The following FRMD3 variants were observed in gnomAD, a reference collection of about 807,000 sequenced individuals.
FRMD3 encodes the protein FERM domain containing 3, also known as FERM domain-containing protein 3.
Under a neutral mutation model 70.2 loss-of-function variants are expected in FRMD3, and 33 were observed. The ratio of observed to expected loss-of-function variants is 0.47; its 90% CI spans 0.36 to 0.63. FRMD3 has a LOEUF of 0.63. Ranked by LOEUF, FRMD3 falls within the 20% of genes least tolerant of loss-of-function variation. FRMD3 has a pLI of 0.00. For synonymous variants in FRMD3, 279 were observed against 255.9 expected (o/e 1.09, Z -0.86); for missense variants, 632 against 711.4 (o/e 0.89, Z 1.27).
chr9:83,310,560 A>C lies in FRMD3; in HGVS notation c.774-12T>G, dbSNP rs1489455592. The C allele has an allele frequency of 6.3e-7, 1 of 1,586,090 alleles. No homozygotes were observed. Among genetic ancestry groups the C allele is most frequent in the Non-Finnish European group, 8.5e-7 (1 of 1,172,366 alleles). On this transcript the variant is annotated splice_polypyrimidine_tract_variant and intron_variant, in intron 8 of 13. Transcript: ENST00000304195. ...TGCAGACATCTGGCCTAAGAAAAGA[A>C]AATCTCTGGGTAAGAAGAAAAAAAG...
intron 1 of FRMD3, among the ~76,000 whole-genome samples, chr9:83,396,464 C>A (rs1405283081): frequency 2.6e-5 from 4 of 152,194 alleles, no homozygotes; most frequent in Non-Finnish European, 5.9e-5. Flanking sequence ...ATGGTACAGG[C>A]ATAAGCCTCA....
At chr9:83,305,676 C>G (rs1370664027) in intron 10 of FRMD3, among the ~76,000 whole-genome samples, 2 of 152,206 alleles carry the variant, frequency 1.3e-5, no homozygotes, top group Non-Finnish European at 1.5e-5. Flanking sequence ...AGTGATACTT[C>G]CCCTCCTTCC....
chr9:83,296,463 G>C (rs1251585750), intron 12 of FRMD3, among the ~76,000 whole-genome samples: 3 of 152,198 alleles, frequency 2.0e-5, no homozygotes, highest in Admixed American at 6.5e-5. Flanking sequence ...GGGGGACATG[G>C]AGATGACCAA....
chr9:83,413,281 T>C (rs1396971053), intron 1 of FRMD3, among the ~76,000 whole-genome samples: 2 of 152,182 alleles, frequency 1.3e-5, no homozygotes, highest in African/African-American at 4.8e-5. Flanking sequence ...TCTCAAACTT[T>C]ATGGTGTAGA....
intron 1 of FRMD3, among the ~76,000 whole-genome samples, chr9:83,419,270 C>T (rs2131354891): frequency 6.6e-6 from 1 of 152,096 alleles, no homozygotes; most frequent in South Asian, 2.1e-4. Context: ...TCACTTGTAC[C>T]CCAAAAACTA....
intron 1 of FRMD3, among the ~76,000 whole-genome samples, chr9:83,532,039 A>G (rs958153920): frequency 6.6e-6 from 1 of 152,218 alleles, no homozygotes; most frequent in Non-Finnish European, 1.5e-5. Context: ...AAACATTAAG[A>G]TAACAGTCAC....
At chr9:83,415,615 T>C (rs1236894968) in intron 1 of FRMD3, among the ~76,000 whole-genome samples, 1 of 87,544 alleles carries the variant, frequency 1.1e-5, no homozygotes, top group Non-Finnish European at 2.2e-5. Flanking sequence ...ACTAATTTTC[T>C]TTTTTTTTTT....
At chr9:83,543,985 G>C in the FRMD3 span, among the ~76,000 whole-genome samples, 1 of 152,124 alleles carries the variant, frequency 6.6e-6, no homozygotes, top group Admixed American at 6.5e-5. Context: ...GGCTATTAAG[G>C]ATGACTGCAT....
chr9:83,323,332 G>T (rs1365880544), intron 6 of FRMD3, among the ~76,000 whole-genome samples: 3 of 152,196 alleles, frequency 2.0e-5, no homozygotes, highest in Non-Finnish European at 2.9e-5. Flanking sequence ...CATGAAAATT[G>T]CTGACTTAAA....
At chr9:83,382,524 A>G (rs1384713779) in intron 2 of FRMD3, among the ~76,000 whole-genome samples, 1 of 152,372 alleles carries the variant, frequency 6.6e-6, no homozygotes, top group East Asian at 1.9e-4. Context: ...AAAGTGGTAC[A>G]ACCAGCAGGT....
rs138100958 is a variant in FRMD3 at position 83,453,956 on chromosome 9, C to G, written c.148-64248G>C. On this transcript the variant is annotated intron_variant, in intron 1 of 13. Coordinates refer to ENST00000304195, the MANE Select transcript of FRMD3 (RefSeq NM_174938.6). ...GGTCTCGATCTCCTGACCTCGTGAT[C>G]CATCTGCCTCGGCCTACTAAAGTGC... is the stretch of plus-strand genomic sequence containing the variant. Among the ~76,000 whole-genome samples the G allele has an allele frequency of 2.5e-3, 382 of 152,118 alleles. 3 individuals carry two copies. Among genetic ancestry groups the G allele is most frequent in the African/African-American group, 8.8e-3 (367 of 41,520 alleles).
chr9:83,580,523 G>A, the FRMD3 span, among the ~76,000 whole-genome samples: 3 of 152,184 alleles, frequency 2.0e-5, no homozygotes, highest in African/African-American at 7.2e-5. Context: ...AGAAAAACAC[G>A]TACCTCGTGA....
chr9:83,269,867 C>T (rs1020426090), intron 13 of FRMD3, among the ~76,000 whole-genome samples: 9 of 152,156 alleles, frequency 5.9e-5, no homozygotes, highest in African/African-American at 1.7e-4. Context: ...TTTCAGAGAT[C>T]GTAAGTAGAT....
intron 6 of FRMD3, among the ~76,000 whole-genome samples, chr9:83,327,404 C>T (rs1308834234): frequency 1.3e-5 from 2 of 152,244 alleles, no homozygotes; most frequent in African/African-American, 4.8e-5. Context: ...CTGCAGGGAG[C>T]TGTCTATGCT....
intron 1 of FRMD3, among the ~76,000 whole-genome samples, chr9:83,507,715 T>C (rs1480729031): frequency 4.6e-5 from 5 of 108,306 alleles, no homozygotes; most frequent in Non-Finnish European, 5.7e-5. Flanking sequence ...TATATATATA[T>C]ATATATATAT....
intron 1 of FRMD3, among the ~76,000 whole-genome samples, chr9:83,496,531 G>T (rs547333572): frequency 6.6e-6 from 1 of 152,142 alleles, no homozygotes; most frequent in South Asian, 2.1e-4. Context: ...TCTCAGATCC[G>T]CTGGCAACAA....
chr9:83,491,637 C>A (rs1294626154), intron 1 of FRMD3, among the ~76,000 whole-genome samples: 1 of 152,178 alleles, frequency 6.6e-6, no homozygotes, highest in East Asian at 1.9e-4. Flanking sequence ...GTTTTGGTGA[C>A]CCTGTCCTTC....
intron 10 of FRMD3, among the ~76,000 whole-genome samples, chr9:83,303,812 C>T (rs1276042905): frequency 6.6e-6 from 1 of 152,170 alleles, no homozygotes; most frequent in African/African-American, 2.4e-5. Context: ...AAATCAATCA[C>T]CACTATCTAA....
chr9:83,357,100 ATC>A (rs1342455744), intron 3 of FRMD3, among the ~76,000 whole-genome samples: 1 of 136,820 alleles, frequency 7.3e-6, no homozygotes, highest in Non-Finnish European at 1.5e-5. Flanking sequence ...GTATATATAT[ATC>A]TATCCATCAT....
Sources: gnomAD v4.1 joint callset for allele counts (sites outside exome capture counted in the v4.1 genomes callset) on GRCh38, gnomAD v4.1.1 for gene constraint, MANE v1.5 for transcripts, NCBI Gene and HGNC (gene_info 2026-07-23, HGNC 2026-07-21) for gene names.